Variants in ARMC12 observed in about 807,000 individuals in gnomAD.
The protein encoded by ARMC12 is armadillo repeat-containing protein 12.
In ARMC12, 25 loss-of-function variants were observed where a neutral mutation model predicts 37.4. That is an observed-to-expected ratio of 0.67 (90% CI 0.49 to 0.93). The LOEUF is 0.93. Among genes scored for constraint, ARMC12 ranks in the 40% least tolerant of loss-of-function variants. ARMC12 has a pLI of 0.00. For missense variants in ARMC12, 384 were observed against 426.6 expected (o/e 0.90, Z 0.88); for synonymous variants, 167 against 176.1 (o/e 0.95, Z 0.41).
chr6:35,744,190 G>T (rs1351107452), intron 3 of ARMC12, among the ~76,000 whole-genome samples: 1 of 152,108 alleles, frequency 6.6e-6, no homozygotes, highest in Non-Finnish European at 1.5e-5. Flanking sequence ...CACCCAGGCT[G>T]GAGTTCAATG....
chr6:35,735,973 G>A (rs927511383), upstream of ARMC12: 10 of 152,184 alleles, frequency 6.6e-5, no homozygotes, highest in African/African-American at 2.4e-4. This position sits in a 1 kb window ranked among gnomAD's most constrained non-coding sequence, Gnocchi z 4.0. Context: ...ATCCCTTTAG[G>A]TTACAAATGC....
In ARMC12 at chr6:35,737,233, A is replaced by AACC; in HGVS notation, c.129_131dup (p.Pro44dup). On this transcript the variant is annotated inframe_insertion, in exon 1 of 6. Transcript: ENST00000373866. ...GCCATCAAGGCTGGCATAAAATGCA[A>AACC]ACCACCCCTCTGTAGCAACTCACCC... is the stretch of plus-strand genomic sequence containing the variant. The AACC allele has an allele frequency of 6.2e-7, 1 of 1,614,250 alleles. No homozygotes were observed. Among genetic ancestry groups the AACC allele is most frequent in the Non-Finnish European group, 8.5e-7 (1 of 1,180,040 alleles).
At chr6:35,731,770 G>A in the ARMC12 span, among the ~76,000 whole-genome samples, 1 of 152,142 alleles carries the variant, frequency 6.6e-6, no homozygotes, top group Non-Finnish European at 1.5e-5. Flanking sequence ...TCCAACAGCT[G>A]CGGGCCACGA....
At chr6:35,739,829 C>A (rs938459837) in intron 3 of ARMC12, among the ~76,000 whole-genome samples, 1 of 152,208 alleles carries the variant, frequency 6.6e-6, no homozygotes, top group Non-Finnish European at 1.5e-5. Context: ...GCTCTTTGAA[C>A]CCCATTGGTC....
At chr6:35,731,687 C>G in the ARMC12 span, among the ~76,000 whole-genome samples, 9 of 152,038 alleles carry the variant, frequency 5.9e-5, no homozygotes, top group Non-Finnish European at 1.0e-4. Context: ...GTGTGGGTAC[C>G]CACCTCCACC....
chr6:35,738,597 C>T, intron 3 of ARMC12, 79 bp downstream of exon 3: 3 of 1,536,484 alleles, frequency 2.0e-6, no homozygotes. Flanking sequence ...GATAAATGGT[C>T]ATGTTCCAGA....
chr6:35,733,186 G>T (rs1276954957), upstream of ARMC12, among the ~76,000 whole-genome samples: 1 of 151,870 alleles, frequency 6.6e-6, no homozygotes, highest in African/African-American at 2.4e-5. Context: ...AAGAGAGAGA[G>T]AGAAAAAATA....
At chr6:35,731,561 C>A in the ARMC12 span, among the ~76,000 whole-genome samples, 1 of 152,182 alleles carries the variant, frequency 6.6e-6, no homozygotes, top group Non-Finnish European at 1.5e-5. Context: ...GGCCCCTCCG[C>A]ATCCGAACCT....
intron 3 of ARMC12, 52 bp from the exon 4 acceptor site, chr6:35,747,209 G>T (rs1767365188): frequency 1.3e-6 from 2 of 1,568,598 alleles, no homozygotes; most frequent in Non-Finnish European, 8.7e-7. Flanking sequence ...CAGATACTGG[G>T]ATAGTGGTGA....
upstream of ARMC12, among the ~76,000 whole-genome samples, chr6:35,732,325 C>T (rs1308974331): frequency 6.6e-6 from 1 of 152,206 alleles, no homozygotes; most frequent in African/African-American, 2.4e-5. Context: ...GCAAGGGAAG[C>T]TCGCACGTGT....
rs1767407960 is a variant in ARMC12, at chr6:35,748,537, G to A, written c.691-1G>A. ...CCATTCTTTCTCTATTCCCATCACA[G>A]GTTCACTCCAACTTCCTAAACCTGT... On this transcript the variant is annotated splice_acceptor_variant, in intron 5 of 5. Coordinates refer to ENST00000373866, the MANE Select transcript of ARMC12 (RefSeq NM_001286574.2). LOFTEE classifies it high-confidence loss of function. The A allele has an allele frequency of 6.7e-7, 1 of 1,487,508 alleles. No homozygotes were observed. The allele number at this position is 1,487,508 out of a possible 1,614,324, so 92.1% of individuals were successfully genotyped here.
chr6:35,747,357 G>A lies in ARMC12; in HGVS notation c.541G>A (p.Asp181Asn), dbSNP rs146354524. ...LRLLNNLPLP[D>N]YVHPQLRRVM... ...ACTCCTCAACAACCTTCCACTGCCCGACTATGTGCATCCACAGCTGCGACG... is the reference window on the plus strand; with the variant it reads ...ACTCCTCAACAACCTTCCACTGCCCAACTATGTGCATCCACAGCTGCGACG... The change falls in exon 4 of 6, where the codon GAC (aspartate) becomes AAC (asparagine). Residue 181 changes from aspartate (D) to asparagine (N), a missense_variant. By Grantham distance (23) the Asp-to-Asn change is conservative. Transcript: ENST00000373866. The A allele has an allele frequency of 6.4e-5, 104 of 1,614,030 alleles. No individual in the cohort carries two copies. The highest frequency in any genetic ancestry group is 7.9e-5 in the Non-Finnish European group (93 of 1,180,046).
At chr6:35,745,812 G>C (rs1405308113) in intron 3 of ARMC12, among the ~76,000 whole-genome samples, 1 of 152,166 alleles carries the variant, frequency 6.6e-6, no homozygotes, top group East Asian at 1.9e-4. Flanking sequence ...TTGGGAGGCC[G>C]AAGTGGGCAT....
chr6:35,743,693 T>C (rs1767246613), intron 3 of ARMC12, among the ~76,000 whole-genome samples: 1 of 150,646 alleles, frequency 6.6e-6, no homozygotes. Flanking sequence ...AATACACAAA[T>C]AAGTAAAATA....
At chr6:35,747,057 T>TGAAAAAAAAAAAA (rs1767358658) in intron 3 of ARMC12, among the ~76,000 whole-genome samples, 1 of 82,546 alleles carries the variant, frequency 1.2e-5, no homozygotes, top group Non-Finnish European at 2.2e-5. Context: ...AAGAAGTCTG[T>TGAAAAAAAAAAAA]AAAAAAAAAA....
chr6:35,735,557 C>A (rs1373110762), upstream of ARMC12, among the ~76,000 whole-genome samples: 2 of 152,214 alleles, frequency 1.3e-5, no homozygotes, highest in Non-Finnish European at 2.9e-5. This position sits in a 1 kb window ranked among gnomAD's most constrained non-coding sequence, Gnocchi z 4.0. Context: ...CTGGGTGCAG[C>A]CCAGGACCCA....
intron 3 of ARMC12, among the ~76,000 whole-genome samples, chr6:35,740,120 A>C (rs74470085): frequency 0.055 from 8,420 of 152,218 alleles, 581 homozygotes; most frequent in African/African-American, 0.16. Flanking sequence ...CAAAGATCAG[A>C]TGTATTTTTT....
chr6:35,736,890 G>A (rs1766980247), upstream of ARMC12: 2 of 644,394 alleles, frequency 3.1e-6, no homozygotes, highest in Non-Finnish European at 5.2e-6. Context: ...GATTACAAGT[G>A]TGGGCCATGG....
At chr6:35,738,290 G>GGA (rs1049980491) in intron 2 of ARMC12, 94 bp from the exon 3 acceptor site, 17 of 1,433,722 alleles carry the variant, frequency 1.2e-5, no homozygotes, top group Admixed American at 3.9e-5. Flanking sequence ...TAGCGGTGGG[G>GGA]GGGGGGTGTG....
Sources: allele counts gnomAD v4.1 joint callset (sites outside exome capture counted in the v4.1 genomes callset), GRCh38; gene constraint gnomAD v4.1.1; non-coding constraint Gnocchi (gnomAD v3.1); transcripts MANE v1.5; gene names NCBI Gene and HGNC (gene_info 2026-07-23, HGNC 2026-07-21).